The following GALNT13 variants were observed in gnomAD, a reference collection of about 807,000 sequenced individuals.
The protein encoded by GALNT13 is polypeptide N-acetylgalactosaminyltransferase 13, also known as UDP-GalNAc:polypeptide N-acetylgalactosaminyltransferase 13.
A neutral mutation model predicts 64.2 loss-of-function variants in GALNT13; 28 were observed. That is an observed-to-expected ratio of 0.44 (90% CI 0.32 to 0.60). The LOEUF (loss-of-function observed/expected upper bound fraction) is 0.60. Ranked by LOEUF, GALNT13 falls within the 20% of genes least tolerant of loss-of-function variation. The probability of loss-of-function intolerance (pLI) is 0.05; values close to 1 mark genes in which losing one functional copy is unlikely to be tolerated. For synonymous variants in GALNT13, 214 were observed against 224.6 expected (o/e 0.95, Z 0.42); for missense variants, 577 against 669.8 (o/e 0.86, Z 1.53).
intron 8 of GALNT13, among the ~76,000 whole-genome samples, chr2:154,279,393 C>A (rs990097292): frequency 3.6e-4 from 55 of 152,034 alleles, no homozygotes; most frequent in African/African-American, 1.2e-3. Context: ...TGAGACATTT[C>A]GAGGTAGAAA....
intron 9 of GALNT13, among the ~76,000 whole-genome samples, chr2:154,339,676 T>C (rs1020106329): frequency 6.6e-6 from 1 of 152,180 alleles, no homozygotes; most frequent in African/African-American, 2.4e-5. Context: ...GTGTCTACTT[T>C]AGTGACAATG....
At chr2:153,137,232 G>A in the GALNT13 span, among the ~76,000 whole-genome samples, 1 of 151,872 alleles carries the variant, frequency 6.6e-6, no homozygotes, top group East Asian at 1.9e-4. Context: ...GAGAAAGTAG[G>A]GAGCAATAGA....
chr2:153,721,494 C>T, the GALNT13 span, among the ~76,000 whole-genome samples: 1 of 150,742 alleles, frequency 6.6e-6, no homozygotes, highest in Non-Finnish European at 1.5e-5. Flanking sequence ...ACTAAATTCT[C>T]CAATAAAAGA....
At chr2:153,768,656 A>G in the GALNT13 span, among the ~76,000 whole-genome samples, 29 of 152,220 alleles carry the variant, frequency 1.9e-4, no homozygotes, top group African/African-American at 6.7e-4. Context: ...TGAGGTCAGG[A>G]GATTGAGACC....
chr2:153,336,170 C>G, the GALNT13 span, among the ~76,000 whole-genome samples: 1 of 152,174 alleles, frequency 6.6e-6, no homozygotes, highest in African/African-American at 2.4e-5. Context: ...TCTGCTAGGA[C>G]AGTGCAGAAG....
chr2:154,056,716 T>C (rs2105357832), intron 3 of GALNT13, among the ~76,000 whole-genome samples: 1 of 152,242 alleles, frequency 6.6e-6, no homozygotes, highest in South Asian at 2.1e-4. Context: ...CTGAGTATGT[T>C]AGTAACTCCA....
the GALNT13 span, among the ~76,000 whole-genome samples, chr2:153,387,054 G>A: frequency 6.6e-6 from 1 of 152,048 alleles, no homozygotes; most frequent in Non-Finnish European, 1.5e-5. Flanking sequence ...TGATTTTATG[G>A]AGCATTACCT....
At chr2:153,071,069 C>G in the GALNT13 span, among the ~76,000 whole-genome samples, 3 of 152,228 alleles carry the variant, frequency 2.0e-5, no homozygotes, top group Admixed American at 2.0e-4. Context: ...TTGCAGGGCT[C>G]AAGTCCTTTA....
chr2:154,326,766 G>A (rs1694897926), intron 9 of GALNT13, among the ~76,000 whole-genome samples: 1 of 152,036 alleles, frequency 6.6e-6, no homozygotes, highest in African/African-American at 2.4e-5. Context: ...AAAATAGTCT[G>A]CTATCTGAAG....
chr2:154,292,608 T>C (rs1241812104), intron 8 of GALNT13, among the ~76,000 whole-genome samples: 2 of 152,184 alleles, frequency 1.3e-5, no homozygotes, highest in African/African-American at 2.4e-5. Context: ...AGCTAGTAAG[T>C]TGCAGAGCTA....
At chr2:153,467,036 T>C in the GALNT13 span, among the ~76,000 whole-genome samples, 1 of 152,190 alleles carries the variant, frequency 6.6e-6, no homozygotes, top group East Asian at 1.9e-4. Flanking sequence ...CTATGAGGCA[T>C]GTTCATTGAT....
At chr2:154,063,869 C>A (rs1700321091) in intron 3 of GALNT13, among the ~76,000 whole-genome samples, 2 of 152,070 alleles carry the variant, frequency 1.3e-5, no homozygotes, top group African/African-American at 2.4e-5. Flanking sequence ...GCAGGGACAC[C>A]AAATTTAACA....
the GALNT13 span, among the ~76,000 whole-genome samples, chr2:153,097,998 G>A: frequency 2.0e-5 from 3 of 152,136 alleles, no homozygotes; most frequent in East Asian, 1.9e-4. Context: ...CCCAGGAAGC[G>A]GAGATTGCAG....
chr2:154,437,444 A>G (rs890458421), intron 11 of GALNT13: 6 of 861,926 alleles, frequency 7.0e-6, no homozygotes, highest in East Asian at 8.5e-5. Flanking sequence ...AGACCCTGAC[A>G]TGACCTTTCT....
the GALNT13 span, among the ~76,000 whole-genome samples, chr2:153,630,803 ATATATTTTTTT>A: frequency 4.2e-3 from 73 of 17,488 alleles, no homozygotes; most frequent in African/African-American, 0.014. Flanking sequence ...ATATATATAT[ATATATTTTTTT>A]TTTTTTTTTT....
the GALNT13 span, among the ~76,000 whole-genome samples, chr2:153,429,782 C>T: frequency 1.3e-5 from 2 of 152,112 alleles, no homozygotes; most frequent in Non-Finnish European, 2.9e-5. Context: ...CATTTGCCTT[C>T]TTCATCCAAA....
intron 3 of GALNT13, among the ~76,000 whole-genome samples, chr2:154,098,247 A>C (rs1702173968): frequency 1.3e-5 from 2 of 151,966 alleles, no homozygotes; most frequent in South Asian, 4.1e-4. Context: ...CATGGTTATG[A>C]GGTTAACATC....
chr2:153,527,526 A>C, the GALNT13 span, among the ~76,000 whole-genome samples: 1 of 152,328 alleles, frequency 6.6e-6, no homozygotes, highest in African/African-American at 2.4e-5. Context: ...GGAATGCTAA[A>C]GGGAATACTT....
the GALNT13 span, among the ~76,000 whole-genome samples, chr2:153,077,318 A>T: frequency 6.6e-6 from 1 of 151,954 alleles, no homozygotes; most frequent in African/African-American, 2.4e-5. Flanking sequence ...GAATTCTATT[A>T]TATTTATATA....
Sources: gnomAD v4.1 joint callset for allele counts (sites outside exome capture counted in the v4.1 genomes callset) on GRCh38, gnomAD v4.1.1 for gene constraint, MANE v1.5 for transcripts, NCBI Gene and HGNC (gene_info 2026-07-23, HGNC 2026-07-21) for gene names.